SLC9A9: variants seen among roughly 807,000 people sequenced by gnomAD.
SLC9A9 encodes the protein solute carrier family 9 member A9.
A neutral mutation model predicts 77.8 loss-of-function variants in SLC9A9; 62 were observed. The ratio of observed to expected loss-of-function variants is 0.80; its 90% CI spans 0.65 to 0.98. The LOEUF (loss-of-function observed/expected upper bound fraction) is 0.98, where lower values mean the gene tolerates loss of function less well. Among genes scored for constraint, SLC9A9 ranks in the 50% least tolerant of loss-of-function variants. SLC9A9 has a pLI of 0.00. For missense variants in SLC9A9, 775 were observed against 774.9 expected (o/e 1.00, Z 0.00); for synonymous variants, 320 against 283.5 (o/e 1.13, Z -1.29).
chr3:143,593,256 C>G (rs1266330363), intron 6 of SLC9A9, among the ~76,000 whole-genome samples: 2 of 152,260 alleles, frequency 1.3e-5, no homozygotes, highest in Non-Finnish European at 2.9e-5. Flanking sequence ...CTTTTTGATG[C>G]TTTCCCTCTA....
At position 143,574,142 on chromosome 3, in the gene SLC9A9, A is replaced by T; in HGVS notation, c.946T>A (p.Phe316Ile). 1 of 1,613,606 alleles carries T rather than the reference A, an allele frequency of 6.2e-7. No homozygotes were observed. Among genetic ancestry groups the T allele is most frequent in the Middle Eastern group, 1.7e-4 (1 of 6,056 alleles). Residue 316 changes from phenylalanine to isoleucine, a missense_variant, in exon 8 of 16, where the codon TTT becomes ATT. By Grantham distance (21) the Phe-to-Ile change is conservative. Transcript: ENST00000316549. ...AAGGCACTCCAAGAAAGCAGGAAAA[A>T]CAGGCCGGTTTCCAGCATCGGGAAC... ...CEFPMLETGLFFLLSWSAFLS... is the reference protein window; with the variant it reads ...CEFPMLETGLIFLLSWSAFLS...
At chr3:143,769,253 C>G (rs1471194404) in intron 4 of SLC9A9, among the ~76,000 whole-genome samples, 1 of 152,138 alleles carries the variant, frequency 6.6e-6, no homozygotes, top group Non-Finnish European at 1.5e-5. Context: ...AAGGGTTTCT[C>G]TAACCCTCAT....
At chr3:143,365,548 C>T (rs572101828) in intron 13 of SLC9A9, among the ~76,000 whole-genome samples, 6 of 152,292 alleles carry the variant, frequency 3.9e-5, no homozygotes, top group Admixed American at 1.3e-4. Flanking sequence ...ATTCCCAGTC[C>T]CTACTGTGGG....
chr3:143,672,879 C>T (rs967041399), intron 5 of SLC9A9, among the ~76,000 whole-genome samples: 2 of 152,174 alleles, frequency 1.3e-5, no homozygotes, highest in African/African-American at 4.8e-5. Context: ...ATGAAAAGCA[C>T]TATGACTGGT....
At chr3:143,484,924 GT>G (rs1485947693) in intron 11 of SLC9A9, among the ~76,000 whole-genome samples, 16 of 152,252 alleles carry the variant, frequency 1.1e-4, no homozygotes, top group Non-Finnish European at 2.2e-4. Context: ...CCAGAAATTT[GT>G]TTCCCTACCT....
intron 5 of SLC9A9, among the ~76,000 whole-genome samples, chr3:143,679,061 T>C (rs965902385): frequency 8.9e-6 from 1 of 112,952 alleles, no homozygotes; most frequent in Non-Finnish European, 1.9e-5. Context: ...GTGAGGGGGG[T>C]GGGAAGAGTG....
chr3:143,682,760 C>G (rs1275723216), intron 5 of SLC9A9, among the ~76,000 whole-genome samples: 1 of 152,100 alleles, frequency 6.6e-6, no homozygotes, highest in Non-Finnish European at 1.5e-5. Context: ...GGGCTCTTAG[C>G]CCCCTTCCTC....
At chr3:143,506,556 C>T (rs9827011) in intron 9 of SLC9A9, among the ~76,000 whole-genome samples, 31,531 of 152,086 alleles carry the variant, frequency 0.21, 3,579 homozygotes, top group Middle Eastern at 0.33. Context: ...TAGGCAATTC[C>T]ACAGTTTAGG....
chr3:143,827,318 G>A (rs1301499725), intron 2 of SLC9A9, among the ~76,000 whole-genome samples: 2 of 152,172 alleles, frequency 1.3e-5, no homozygotes, highest in African/African-American at 4.8e-5. Flanking sequence ...GAGCAACATG[G>A]TCTTGTTTTA....
chr3:143,665,293 C>A (rs2039045961), intron 5 of SLC9A9, among the ~76,000 whole-genome samples: 1 of 152,122 alleles, frequency 6.6e-6, no homozygotes. Context: ...TGAATGAGAA[C>A]AAAGACACAA....
chr3:143,618,800 A>G (rs1193707910), intron 6 of SLC9A9, among the ~76,000 whole-genome samples: 3 of 152,216 alleles, frequency 2.0e-5, no homozygotes, highest in Non-Finnish European at 4.4e-5. Context: ...CAGAAATAAT[A>G]TCAAAATAGC....
At chr3:143,728,827 T>G (rs1260074552) in intron 4 of SLC9A9, among the ~76,000 whole-genome samples, 2 of 151,978 alleles carry the variant, frequency 1.3e-5, no homozygotes, top group Non-Finnish European at 2.9e-5. Flanking sequence ...ACAACAAGTA[T>G]GACCCTCAAG....
intron 4 of SLC9A9, among the ~76,000 whole-genome samples, chr3:143,793,238 G>T (rs1246971910): frequency 6.6e-6 from 1 of 151,840 alleles, no homozygotes; most frequent in Non-Finnish European, 1.5e-5. Flanking sequence ...TTAGATAAAG[G>T]CAATTATATA....
chr3:143,385,102 T>C (rs1426150191), intron 12 of SLC9A9, among the ~76,000 whole-genome samples: 5 of 152,166 alleles, frequency 3.3e-5, no homozygotes, highest in East Asian at 3.9e-4. Flanking sequence ...AAGAGGTGTA[T>C]GAACCTTTTT....
intron 4 of SLC9A9, among the ~76,000 whole-genome samples, chr3:143,779,389 T>C (rs1029661011): frequency 6.6e-6 from 1 of 152,224 alleles, no homozygotes; most frequent in Non-Finnish European, 1.5e-5. Context: ...GTTTGTTTTT[T>C]GAGATGGAGT....
chr3:143,719,282 T>C (rs13058809), intron 4 of SLC9A9, among the ~76,000 whole-genome samples: 20,626 of 152,162 alleles, frequency 0.14, 1,586 homozygotes, highest in African/African-American at 0.19. Flanking sequence ...CCATTTCTAC[T>C]GGGAAACATG....
At chr3:143,607,104 AT>A (rs2037941680) in intron 6 of SLC9A9, among the ~76,000 whole-genome samples, 1 of 152,122 alleles carries the variant, frequency 6.6e-6, no homozygotes, top group Non-Finnish European at 1.5e-5. Context: ...ATACAAAAAA[AT>A]ATAAAATATA....
chr3:143,582,686 C>T (rs1018809843), intron 6 of SLC9A9, among the ~76,000 whole-genome samples: 11 of 152,212 alleles, frequency 7.2e-5, no homozygotes, highest in Non-Finnish European at 1.6e-4. Flanking sequence ...CAGCTCTTGG[C>T]TCAGTGGATC....
intron 12 of SLC9A9, among the ~76,000 whole-genome samples, chr3:143,397,299 C>T (rs1166071362): frequency 6.6e-6 from 1 of 152,192 alleles, no homozygotes; most frequent in East Asian, 1.9e-4. Flanking sequence ...AAATGCACAT[C>T]CCCAGAAAAG....
Sources: allele counts gnomAD v4.1 joint callset (sites outside exome capture counted in the v4.1 genomes callset), GRCh38; gene constraint gnomAD v4.1.1; transcripts MANE v1.5; gene names NCBI Gene and HGNC (gene_info 2026-07-23, HGNC 2026-07-21).